WDR72: variants seen among roughly 807,000 people sequenced by gnomAD.
WDR72 encodes WD repeat-containing protein 72.
In WDR72, 120 loss-of-function variants were observed where a neutral mutation model predicts 124.2. The ratio of observed to expected loss-of-function variants is 0.97; its 90% CI spans 0.83 to 1.12. The LOEUF (loss-of-function observed/expected upper bound fraction) is 1.12. Ranked by LOEUF, WDR72 falls within the 50% of genes most tolerant of loss-of-function variation. The pLI is 0.00. For missense variants in WDR72, 1,387 were observed against 1,278.8 expected (o/e 1.08, Z -1.29); for synonymous variants, 452 against 441.7 (o/e 1.02, Z -0.29).
rs976860746 is a variant in WDR72, at chr15:53,640,680, G to A, written c.1963-24437C>T. Among the ~76,000 whole-genome samples the A allele has an allele frequency of 2.6e-4, 40 of 152,068 alleles. 1 individual carries two copies. The highest frequency in any genetic ancestry group is 2.5e-3 in the Admixed American group (38 of 15,250). On this transcript the variant is annotated intron_variant, in intron 14 of 19. Coordinates refer to ENST00000360509, the MANE Select transcript of WDR72 (RefSeq NM_182758.4). ...CACACTTCAACAAATGTGGATATAT[G>A]TAAGTTATTCTTTTGTCATGCTGTC...
intron 18 of WDR72, among the ~76,000 whole-genome samples, chr15:53,546,810 A>G (rs1018457449): frequency 6.6e-6 from 1 of 152,214 alleles, no homozygotes; most frequent in African/African-American, 2.4e-5. Flanking sequence ...AGGGGAAGGA[A>G]AATGACTATC....
intron 18 of WDR72, among the ~76,000 whole-genome samples, chr15:53,546,032 G>A (rs1049747163): frequency 6.5e-5 from 9 of 139,502 alleles, no homozygotes; most frequent in African/African-American, 1.7e-4. Flanking sequence ...TGGAGAGGAT[G>A]TGGAGAAATA....
intron 14 of WDR72, among the ~76,000 whole-genome samples, chr15:53,628,799 A>G (rs994177430): frequency 6.6e-6 from 1 of 152,126 alleles, no homozygotes; most frequent in African/African-American, 2.4e-5. Context: ...AATTCATACC[A>G]ACAATAGATT....
At chr15:53,733,249 C>T in intron 1 of WDR72, 88 bp from the exon 2 acceptor site, 1 of 1,419,172 alleles carries the variant, frequency 7.0e-7, no homozygotes. Context: ...TTTATGATGA[C>T]CAAACTTCAA....
intron 18 of WDR72, among the ~76,000 whole-genome samples, chr15:53,590,566 T>C (rs1007155617): frequency 2.0e-5 from 3 of 152,010 alleles, no homozygotes; most frequent in Admixed American, 6.6e-5. Flanking sequence ...AGAAGGCACT[T>C]GGTAAATATT....
intron 14 of WDR72, among the ~76,000 whole-genome samples, chr15:53,629,197 AGAGAGAGAGAGAGAGT>A (rs1186094791): frequency 2.0e-5 from 3 of 148,332 alleles, no homozygotes; most frequent in East Asian, 3.9e-4. Flanking sequence ...ACAGCGAGAG[AGAGAGAGAGAGAGAGT>A]GAGAGAGAGA....
chr15:53,757,787 T>G (rs1204891858), intron 1 of WDR72, among the ~76,000 whole-genome samples: 1 of 152,202 alleles, frequency 6.6e-6, no homozygotes, highest in African/African-American at 2.4e-5. Context: ...TGCAACAAAC[T>G]TGAAATCTTA....
At chr15:53,719,655 A>C (rs939721673) in intron 3 of WDR72, among the ~76,000 whole-genome samples, 2 of 152,218 alleles carry the variant, frequency 1.3e-5, no homozygotes, top group African/African-American at 4.8e-5. Context: ...AAATGTGGGT[A>C]CTTGCTACTT....
intron 13 of WDR72, among the ~76,000 whole-genome samples, chr15:53,667,606 T>C (rs1251922119): frequency 6.6e-6 from 1 of 152,166 alleles, no homozygotes; most frequent in African/African-American, 2.4e-5. Context: ...TGAAAACTAC[T>C]GCATTCCAGA....
intron 13 of WDR72, among the ~76,000 whole-genome samples, chr15:53,689,011 T>C (rs1239081462): frequency 6.6e-6 from 1 of 152,194 alleles, no homozygotes; most frequent in African/African-American, 2.4e-5. Flanking sequence ...TGGCTAGCCA[T>C]ATGTAGAAAG....
rs772270413 is a variant in WDR72, at chr15:53,609,529, C to T, written c.2936G>A (p.Arg979Lys). ...ATATCATACCTGCACAGACTGGTCT[C>T]TCCAACAGGAAATTAGCTTCAAAAG... Reference protein sequence around the residue: ...LSLLKLISCWRDQSVQVTEAI... With the variant: ...LSLLKLISCWKDQSVQVTEAI... Residue 979 changes from arginine (R) to lysine (K), a missense_variant, in exon 17 of 20, where the codon AGA becomes AAA. Coordinates refer to ENST00000360509, the MANE Select transcript of WDR72 (RefSeq NM_182758.4). 1.2e-6 allele frequency: 2 copies of T among 1,613,492 alleles called. No individual in the cohort carries two copies. Among genetic ancestry groups the T allele is most frequent in the Admixed American group, 1.7e-5 (1 of 59,920 alleles).
At chr15:53,672,261 G>T (rs1236727456) in intron 13 of WDR72, among the ~76,000 whole-genome samples, 1 of 139,748 alleles carries the variant, frequency 7.2e-6, no homozygotes, top group African/African-American at 2.6e-5. Context: ...TCAGAGCAGA[G>T]ACACAAAGCC....
chr15:53,682,160 C>T (rs937031352), intron 13 of WDR72, among the ~76,000 whole-genome samples: 2 of 152,178 alleles, frequency 1.3e-5, no homozygotes, highest in Non-Finnish European at 2.9e-5. Context: ...GAAACCACTT[C>T]ATGCAGACCA....
At chr15:53,528,035 T>C (rs1399008467) in intron 18 of WDR72, among the ~76,000 whole-genome samples, 2 of 152,038 alleles carry the variant, frequency 1.3e-5, no homozygotes, top group African/African-American at 4.8e-5. Context: ...ATTAATGCAA[T>C]ACTGGCAGAT....
chr15:53,613,714 C>A lies in WDR72; in HGVS notation c.2824G>T (p.Gly942Trp). 1 of 1,611,096 alleles carries A rather than the reference C, an allele frequency of 6.2e-7. No homozygotes were observed. The highest frequency in any genetic ancestry group is 8.5e-7 in the Non-Finnish European group (1 of 1,178,312). The stretch of plus-strand genomic sequence containing the variant: ...CTTGACATATTTAAAATGTCATTCC[C>A]AGCACCTCTCATCTTATTATGTATA... ...ESIHNKMRGAGNDILNMSSFY... is the reference protein window; with the variant it reads ...ESIHNKMRGAWNDILNMSSFY... Residue 942 changes from glycine (G) to tryptophan (W), a missense_variant, in exon 16 of 20, where the codon GGG (glycine) becomes TGG (tryptophan). By Grantham distance (184) the Gly-to-Trp change is radical (BLOSUM62 -2). Transcript: ENST00000360509.
chr15:53,627,536 G>A (rs760702188), intron 14 of WDR72, among the ~76,000 whole-genome samples: 10 of 152,164 alleles, frequency 6.6e-5, no homozygotes, highest in Non-Finnish European at 1.2e-4. Flanking sequence ...GACAAAAAAC[G>A]ATGTAGCAGA....
chr15:53,616,102 C>T lies in WDR72; in HGVS notation c.2104G>A (p.Asp702Asn). Residue 702 changes from aspartate to asparagine, a missense_variant, in exon 15 of 20, where the codon GAC (aspartate) becomes AAC (asparagine). Physicochemically the swap from Asp to Asn is conservative, Grantham distance 23. Coordinates refer to ENST00000360509, the MANE Select transcript of WDR72 (RefSeq NM_182758.4). The stretch of plus-strand genomic sequence containing the variant: ...CCACCATAGAATGAACTGGAAGAGT[C>T]AACATCACTGAGTGGAGTTGGTAGC... ...LLLPTPLSDVDSSSSFYGGEV... is the reference protein window; with the variant it reads ...LLLPTPLSDVNSSSSFYGGEV... 6.2e-7 allele frequency: 1 copy of T among 1,605,066 alleles called. No homozygotes were observed. Among genetic ancestry groups the T allele is most frequent in the African/African-American group, 1.3e-5 (1 of 74,474 alleles).
chr15:53,542,918 G>T (rs1299162634), intron 18 of WDR72, among the ~76,000 whole-genome samples: 1 of 150,226 alleles, frequency 6.7e-6, no homozygotes, highest in Non-Finnish European at 1.5e-5. Flanking sequence ...TAATGGTAAA[G>T]GGATCAATTC....
At chr15:53,556,348 T>C (rs1447994643) in intron 18 of WDR72, among the ~76,000 whole-genome samples, 1 of 152,132 alleles carries the variant, frequency 6.6e-6, no homozygotes, top group East Asian at 1.9e-4. Flanking sequence ...CCTTTCTTCA[T>C]TTTAGTTTTC....
Sources: allele counts gnomAD v4.1 joint callset (sites outside exome capture counted in the v4.1 genomes callset), GRCh38; gene constraint gnomAD v4.1.1; transcripts MANE v1.5; gene names NCBI Gene and HGNC (gene_info 2026-07-23, HGNC 2026-07-21).